The following PIWIL1 variants were observed in gnomAD, a reference collection of about 807,000 sequenced individuals.
PIWIL1 encodes the protein piwi like RNA-mediated gene silencing 1.
A neutral mutation model predicts 114.4 loss-of-function variants in PIWIL1; 73 were observed. That is an observed-to-expected ratio of 0.64 (90% CI 0.53 to 0.78). PIWIL1 has a LOEUF of 0.78. Ranked by LOEUF, PIWIL1 falls within the 30% of genes least tolerant of loss-of-function variation. The pLI is 0.00. For missense variants in PIWIL1, 723 were observed against 1,063.1 expected, an observed-to-expected ratio of 0.68 and a Z score of 4.45; for synonymous variants, 375 against 369.0, an observed-to-expected ratio of 1.02 and a Z score of -0.19.
At chr12:130,398,180 G>A in the PIWIL1 span, 11 of 152,358 alleles carry the variant, frequency 7.2e-5, no homozygotes, top group African/African-American at 1.7e-4. Flanking sequence ...TTAAATATAC[G>A]TTAAGCGCTT....
rs760096691 is a variant in PIWIL1 at position 130,342,678 on chromosome 12, T to G, written c.78+9T>G. The G allele has an allele frequency of 3.1e-6, 5 of 1,602,694 alleles. No homozygotes were observed. In the African/African-American group the frequency reaches 5.4e-5, roughly 17 times the overall value. Reference sequence around the variant, plus strand: ...TGGTGGGCTCCACTGCCGTGAGTGCTTCACCGTTTCTGACTACAGAAAATG... The same window carrying G: ...TGGTGGGCTCCACTGCCGTGAGTGCGTCACCGTTTCTGACTACAGAAAATG... On this transcript the variant is annotated intron_variant, in intron 2 of 20. Coordinates refer to ENST00000245255, the MANE Select transcript of PIWIL1 (RefSeq NM_004764.5).
chr12:130,392,104 T>C, the PIWIL1 span, among the ~76,000 whole-genome samples: 1 of 112,984 alleles, frequency 8.9e-6, no homozygotes. Context: ...CCAGTGAATA[T>C]TGAACGTTGT....
chr12:130,401,489 C>T, the PIWIL1 span, among the ~76,000 whole-genome samples: 2 of 151,918 alleles, frequency 1.3e-5, no homozygotes, highest in African/African-American at 4.8e-5. Context: ...CTTCCTGCAT[C>T]TTCCTGTTCA....
the PIWIL1 span, chr12:130,424,276 TG>T: frequency 6.5e-6 from 8 of 1,231,630 alleles, no homozygotes; most frequent in African/African-American, 1.2e-4. This position sits in a 1 kb window ranked among gnomAD's most constrained non-coding sequence, Gnocchi z 9.8. Context: ...CCGTGCTTCC[TG>T]GGGGGCGGCC....
At chr12:130,358,985 C>T (rs915499062) in intron 14 of PIWIL1, among the ~76,000 whole-genome samples, 1 of 152,202 alleles carries the variant, frequency 6.6e-6, no homozygotes, top group Admixed American at 6.5e-5. Context: ...GCACACACTT[C>T]TGACACACTT....
In PIWIL1 at chr12:130,343,074, A is replaced by G; in HGVS notation, c.163A>G (p.Thr55Ala). 1.9e-6 allele frequency: 3 copies of G among 1,613,782 alleles called. No homozygotes were observed. Among genetic ancestry groups the G allele is most frequent in the East Asian group, 4.5e-5 (2 of 44,856 alleles). ...ELFGRGRQRG[T>A]AGGTAKSQGL... The stretch of plus-strand genomic sequence containing the variant: ...ATTTGGCCGTGGACGGCAGAGAGGA[A>G]CAGCAGGAGGAACAGCCAAGTCACA... The change falls in exon 3 of 21, where the codon ACA becomes GCA. Residue 55 changes from threonine (T) to alanine (A), a missense_variant. Thr to Ala is a moderately conservative substitution (Grantham distance 58, BLOSUM62 0). This residue lies in a region of PIWIL1 where 91 missense variants were observed against 76.2 expected (regional missense o/e 1.19). Coordinates refer to ENST00000245255, the MANE Select transcript of PIWIL1 (RefSeq NM_004764.5).
At chr12:130,373,707 C>T (rs1420007319), downstream of PIWIL1, among the ~76,000 whole-genome samples, 1 of 152,124 alleles carries the variant, frequency 6.6e-6, no homozygotes, top group African/African-American at 2.4e-5. Flanking sequence ...TTGCCAGGGA[C>T]TTTTGGCAAA....
the PIWIL1 span, among the ~76,000 whole-genome samples, chr12:130,402,307 C>T: frequency 4.6e-5 from 7 of 152,234 alleles, no homozygotes; most frequent in Non-Finnish European, 7.4e-5. Context: ...CTTATCCTTG[C>T]GTTCTCAAGG....
the PIWIL1 span, chr12:130,412,934 G>A: frequency 1.1e-5 from 8 of 732,324 alleles, no homozygotes; most frequent in South Asian, 2.3e-5. Flanking sequence ...GGTCACCCAC[G>A]TGTGTGCTGT....
At chr12:130,386,606 AC>A in the PIWIL1 span, among the ~76,000 whole-genome samples, 45 of 2,762 alleles carry the variant, frequency 0.016, no homozygotes, top group Admixed American at 0.023. Flanking sequence ...CATGCACACC[AC>A]CCCCTTCCTG....
rs770696910 is a variant in PIWIL1, at chr12:130,361,617, C to T, written c.1970+16C>T. 6.3e-7 allele frequency: 1 copy of T among 1,598,186 alleles called. No homozygotes were observed. The highest frequency in any genetic ancestry group is 1.3e-5 in the African/African-American group (1 of 74,688). ...GGATGACCCGGTGAGTGAGACTGGG[C>T]TACTGTGGGTGGCAGTGAGGACATA... On this transcript the variant is annotated intron_variant, in intron 16 of 20. Transcript: ENST00000245255.
intron 18 of PIWIL1, 112 bp downstream of exon 18, chr12:130,363,256 G>A (rs569927638): frequency 2.7e-6 from 3 of 1,097,900 alleles, no homozygotes; most frequent in South Asian, 1.5e-5. Flanking sequence ...GATAGGGACT[G>A]TAGGGCCTTT....
chr12:130,348,225 G>A (rs202158998), intron 7 of PIWIL1, 42 bp downstream of exon 7: 1 of 1,185,064 alleles, frequency 8.4e-7, no homozygotes, highest in African/African-American at 1.5e-5. Context: ...TAGGCTTAAT[G>A]ACAGACTTTT....
At chr12:130,342,288 C>CT in intron 1 of PIWIL1, 1 of 375,548 alleles carries the variant, frequency 2.7e-6, no homozygotes, top group South Asian at 3.7e-5. Flanking sequence ...TCAGCACTTT[C>CT]TCCTCCTAAG....
chr12:130,363,421 G>A (rs368358595), intron 18 of PIWIL1, among the ~76,000 whole-genome samples: 1 of 152,050 alleles, frequency 6.6e-6, no homozygotes, highest in African/African-American at 2.4e-5. Context: ...CTAAGGCCTT[G>A]GAGTGCAAGT....
At chr12:130,424,160 T>C in the PIWIL1 span, 1 of 1,231,974 alleles carries the variant, frequency 8.1e-7, no homozygotes, top group African/African-American at 1.6e-5. This position sits in a 1 kb window ranked among gnomAD's most constrained non-coding sequence, Gnocchi z 9.8. Flanking sequence ...CTTGTGCGAC[T>C]CTGGGAGGTG....
At position 130,371,464 on chromosome 12, in the gene PIWIL1, T is replaced by G. The variant is rs2073815541; in HGVS notation, c.2470-18T>G. The G allele has an allele frequency of 2.5e-6, 4 of 1,612,772 alleles. No individual in the cohort carries two copies. The highest frequency in any genetic ancestry group is 3.4e-6 in the Non-Finnish European group (4 of 1,178,794). ...GCTAAGTCTAGAGTAATAGAACCTT[T>G]TTTTCCTTCCACTAAAGGGTGTCAT... On this transcript the variant is annotated intron_variant, in intron 20 of 20. Coordinates refer to ENST00000245255, the MANE Select transcript of PIWIL1 (RefSeq NM_004764.5).
chr12:130,367,122 T>A lies in PIWIL1; in HGVS notation c.2196-11T>A. The A allele has an allele frequency of 6.2e-7, 1 of 1,613,378 alleles. No individual in the cohort carries two copies. The highest frequency in any genetic ancestry group is 8.5e-7 in the Non-Finnish European group (1 of 1,179,648). On this transcript the variant is annotated splice_polypyrimidine_tract_variant and intron_variant, in intron 18 of 20. Transcript: ENST00000245255. The stretch of plus-strand genomic sequence containing the variant: ...TGGCTAAATGCAGTTACATTCATCA[T>A]CATTTTTAAGCCCTAGACTAACGGT...
Position 130,344,773 on chromosome 12 carries a change from G to A in PIWIL1, c.191-980G>A, listed in dbSNP as rs78548178. On this transcript the variant is annotated intron_variant, in intron 3 of 20. Transcript: ENST00000245255. ...GCTCCATGGGCAGGGCAAAGGGTCA[G>A]GAAGTACAAAAGTCACATGTCAGCT... 8.9e-3 allele frequency among the ~76,000 whole-genome samples: 1,354 copies of A among 152,292 alleles called. 30 individuals are homozygous for A. The highest frequency in any genetic ancestry group is 0.031 in the African/African-American group (1,302 of 41,560).
Sources: gnomAD v4.1 joint callset for allele counts (sites outside exome capture counted in the v4.1 genomes callset) on GRCh38, gnomAD v4.1.1 for gene constraint, gnomAD v4.1.1 regional missense constraint, Gnocchi (gnomAD v3.1) non-coding constraint, MANE v1.5 for transcripts, NCBI Gene and HGNC (gene_info 2026-07-23, HGNC 2026-07-21) for gene names.